Variants in CNIH3 observed in about 807,000 individuals in gnomAD.
CNIH3 encodes the protein cornichon family AMPA receptor auxiliary protein 3.
CNIH3 carries 14 observed loss-of-function variants against 24.1 expected under a neutral mutation model. The ratio of observed to expected loss-of-function variants is 0.58; its 90% CI spans 0.38 to 0.91. CNIH3 has a LOEUF of 0.91. Among genes scored for constraint, CNIH3 ranks in the 40% least tolerant of loss-of-function variants. CNIH3 has a pLI of 0.00. For missense variants in CNIH3, 178 were observed against 196.8 expected (o/e 0.90, Z 0.57); for synonymous variants, 68 against 73.8 (o/e 0.92, Z 0.40).
chr1:224,566,549 T>C (rs1680590514), intron 4 of CNIH3, among the ~76,000 whole-genome samples: 1 of 152,070 alleles, frequency 6.6e-6, no homozygotes, highest in South Asian at 2.1e-4. Flanking sequence ...GACCCTGGTG[T>C]GTGATATTCC....
At chr1:224,486,128 C>T (rs1408377494) in intron 1 of CNIH3, among the ~76,000 whole-genome samples, 3 of 152,092 alleles carry the variant, frequency 2.0e-5, no homozygotes, top group Admixed American at 1.3e-4. Flanking sequence ...TGTTTTGAGA[C>T]AGGGTCTGGC....
At chr1:224,584,215 A>G (rs1261488375) in intron 5 of CNIH3, among the ~76,000 whole-genome samples, 1 of 152,266 alleles carries the variant, frequency 6.6e-6, no homozygotes, top group Non-Finnish European at 1.5e-5. Flanking sequence ...TCTTTAAAAG[A>G]AAGTTACAAT....
At chr1:224,735,527 T>C (rs1689550772) in intron 5 of CNIH3, among the ~76,000 whole-genome samples, 1 of 152,180 alleles carries the variant, frequency 6.6e-6, no homozygotes, top group South Asian at 2.1e-4. Flanking sequence ...CAAAAGGGCA[T>C]GGTTGACAGC....
chr1:224,730,540 C>G lies in CNIH3; in HGVS notation c.277C>G (p.Leu93Val), dbSNP rs747792841. 1 of 1,558,170 alleles carries G rather than the reference C, an allele frequency of 6.4e-7. No homozygotes were observed. The highest frequency in any genetic ancestry group is 1.9e-5 in the Admixed American group (1 of 51,580). ...LCAQEWLTLG[L>V]NVPLLFYHFW... Reference sequence around the variant, plus strand: ...TGCGCAAGAGTGGCTCACGCTGGGGCTGAATGTCCCTCTACTTTTCTATCA... The same window carrying G: ...TGCGCAAGAGTGGCTCACGCTGGGGGTGAATGTCCCTCTACTTTTCTATCA... The change falls in exon 4 of 6, where the codon CTG becomes GTG. Residue 93 changes from leucine to valine, a missense_variant. Physicochemically the swap from Leu to Val is conservative, Grantham distance 32 (BLOSUM62 1). Transcript: ENST00000272133.
At chr1:224,505,146 A>G (rs1158557420) in intron 1 of CNIH3, among the ~76,000 whole-genome samples, 1 of 151,404 alleles carries the variant, frequency 6.6e-6, no homozygotes. Flanking sequence ...TGTCTCTACA[A>G]AAAATACAAA....
At chr1:224,448,069 G>A (rs1363706663) in intron 1 of CNIH3, among the ~76,000 whole-genome samples, 1 of 152,154 alleles carries the variant, frequency 6.6e-6, no homozygotes, top group East Asian at 1.9e-4. Context: ...GGGGCTGGAG[G>A]AGGAGAAAAT....
intron 1 of CNIH3, among the ~76,000 whole-genome samples, chr1:224,628,073 T>C (rs1010342536): frequency 6.6e-6 from 1 of 151,602 alleles, no homozygotes; most frequent in African/African-American, 2.4e-5. Flanking sequence ...CTGTTCAGAC[T>C]CTATTGTTTA....
intron 1 of CNIH3, among the ~76,000 whole-genome samples, chr1:224,649,049 C>A (rs1684749121): frequency 6.6e-6 from 1 of 152,216 alleles, no homozygotes; most frequent in African/African-American, 2.4e-5. Flanking sequence ...TGGGGCTCAC[C>A]AGTTGCACTG....
At chr1:224,551,441 G>A (rs1558152106) in intron 3 of CNIH3, among the ~76,000 whole-genome samples, 2 of 152,098 alleles carry the variant, frequency 1.3e-5, no homozygotes, top group African/African-American at 4.8e-5. Context: ...ATGAAGCAGA[G>A]CGATGATATT....
chr1:224,686,558 T>C (rs1686671557), intron 3 of CNIH3, among the ~76,000 whole-genome samples: 3 of 152,238 alleles, frequency 2.0e-5, no homozygotes, highest in African/African-American at 7.2e-5. Context: ...CTATAGTCTC[T>C]GGGTTTGTTC....
intron 1 of CNIH3, among the ~76,000 whole-genome samples, chr1:224,497,027 G>A (rs1415242794): frequency 6.6e-6 from 1 of 152,178 alleles, no homozygotes; most frequent in East Asian, 1.9e-4. Context: ...CCATACAATG[G>A]AATATTATGC....
At chr1:224,504,994 TTCCCTCCCTCCCTCCC>T (rs1160657017) in intron 1 of CNIH3, among the ~76,000 whole-genome samples, 7 of 67,966 alleles carry the variant, frequency 1.0e-4, no homozygotes, top group East Asian at 4.4e-4. Context: ...TATTTTCCCT[TTCCCTCCCTCCCTCCC>T]TCCCTCCCTC....
chr1:224,722,425 A>G lies in CNIH3; in HGVS notation c.199-8037A>G, dbSNP rs184103415. On this transcript the variant is annotated intron_variant, in intron 3 of 5. Transcript: ENST00000272133. ...GGTGGCTGGGGGACTCTATTTTGGG[A>G]ATCAGTCACTTCTCAAACTTTAATG... Among the ~76,000 whole-genome samples the G allele has an allele frequency of 2.2e-3, 342 of 152,252 alleles. 2 individuals carry two copies. The highest frequency in any genetic ancestry group is 0.014 in the Middle Eastern group (4 of 294).
intron 1 of CNIH3, among the ~76,000 whole-genome samples, chr1:224,467,704 AT>A (rs1237942933): frequency 6.6e-6 from 1 of 151,884 alleles, no homozygotes; most frequent in East Asian, 1.9e-4. Context: ...GATTACAGGC[AT>A]GAGCCACTGC....
intron 3 of CNIH3, among the ~76,000 whole-genome samples, chr1:224,554,841 C>A (rs1415781578): frequency 6.6e-6 from 1 of 152,038 alleles, no homozygotes; most frequent in Non-Finnish European, 1.5e-5. Context: ...TCTGCCTCGA[C>A]CTCCCAAAGT....
At chr1:224,718,097 C>G (rs1250120767) in intron 3 of CNIH3, among the ~76,000 whole-genome samples, 1 of 152,102 alleles carries the variant, frequency 6.6e-6, no homozygotes, top group Non-Finnish European at 1.5e-5. Context: ...ATGGAACATT[C>G]AAGTGTGGGA....
chr1:224,570,977 G>T (rs1290617616), intron 4 of CNIH3, among the ~76,000 whole-genome samples: 2 of 151,938 alleles, frequency 1.3e-5, no homozygotes, highest in African/African-American at 4.8e-5. Context: ...GTGAGCAATG[G>T]CAGCTTTGTC....
At chr1:224,722,888 C>T (rs919402244) in intron 3 of CNIH3, among the ~76,000 whole-genome samples, 4 of 152,168 alleles carry the variant, frequency 2.6e-5, no homozygotes, top group Admixed American at 2.0e-4. Flanking sequence ...CTGTGAATTC[C>T]GATGGAAGAA....
intron 1 of CNIH3, among the ~76,000 whole-genome samples, chr1:224,627,807 G>C (rs1450656845): frequency 6.6e-6 from 1 of 152,156 alleles, no homozygotes; most frequent in African/African-American, 2.4e-5. Flanking sequence ...TCTCTCCAGG[G>C]GGCTGCCTGC....
Sources: allele counts gnomAD v4.1 joint callset (sites outside exome capture counted in the v4.1 genomes callset), GRCh38; gene constraint gnomAD v4.1.1; transcripts MANE v1.5; gene names NCBI Gene and HGNC (gene_info 2026-07-23, HGNC 2026-07-21).